Variants in SNAP25 observed in about 807,000 individuals in gnomAD.
The protein encoded by SNAP25 is synaptosomal-associated protein 25.
Under a neutral mutation model 28.7 loss-of-function variants are expected in SNAP25, and 3 were observed. The ratio of observed to expected loss-of-function variants is 0.10; its 90% CI spans 0.05 to 0.27. SNAP25 has a LOEUF of 0.27. Among genes scored for constraint, SNAP25 ranks in the 10% least tolerant of loss-of-function variants. The pLI is 1.00. For missense variants in SNAP25, 117 were observed against 278.7 expected (o/e 0.42, Z 4.13); for synonymous variants, 61 against 88.1 (o/e 0.69, Z 1.72).
chr20:10,281,613 G>T (rs1568614258), intron 3 of SNAP25, among the ~76,000 whole-genome samples: 1 of 152,154 alleles, frequency 6.6e-6, no homozygotes, highest in Non-Finnish European at 1.5e-5. Flanking sequence ...GGTATAAACG[G>T]CAGAGATGAA....
intron 3 of SNAP25, among the ~76,000 whole-genome samples, chr20:10,278,768 C>T (rs913639820): frequency 5.9e-5 from 9 of 151,906 alleles, no homozygotes; most frequent in Admixed American, 3.9e-4. Context: ...GAAAGGCAGC[C>T]GCCTCTCACA....
chr20:10,223,567 T>C (rs74564233), intron 1 of SNAP25, among the ~76,000 whole-genome samples: 2 of 152,158 alleles, frequency 1.3e-5, no homozygotes, highest in South Asian at 4.2e-4. Context: ...AGGTTGGTGG[T>C]TATTAAACTG....
chr20:10,304,481 T>G (rs1157741230), intron 7 of SNAP25, among the ~76,000 whole-genome samples: 2 of 152,242 alleles, frequency 1.3e-5, no homozygotes, highest in Non-Finnish European at 2.9e-5. Flanking sequence ...TATTATTTAC[T>G]GTATTCGTAT....
intron 1 of SNAP25, among the ~76,000 whole-genome samples, chr20:10,244,204 CGTG>C (rs774946744): frequency 9.9e-5 from 15 of 152,100 alleles, no homozygotes; most frequent in Non-Finnish European, 2.1e-4. Flanking sequence ...TGTTAATAGT[CGTG>C]GTAATAATTG....
intron 7 of SNAP25, among the ~76,000 whole-genome samples, chr20:10,300,273 T>A (rs1034611014): frequency 3.3e-5 from 5 of 152,182 alleles, no homozygotes; most frequent in East Asian, 1.9e-4. Context: ...CACCAAAACC[T>A]GATATTCTAC....
At chr20:10,287,550 C>T (rs929624176) in intron 4 of SNAP25, among the ~76,000 whole-genome samples, 18 of 135,224 alleles carry the variant, frequency 1.3e-4, no homozygotes, top group Non-Finnish European at 2.7e-4. Context: ...AACACTTTTA[C>T]ACTGTTGGTA....
chr20:10,229,614 G>A (rs77692880), intron 1 of SNAP25, among the ~76,000 whole-genome samples: 8,546 of 152,190 alleles, frequency 0.056, 262 homozygotes, highest in African/African-American at 0.08. Flanking sequence ...AGGAGAGCTT[G>A]CTGGGGAAAG....
chr20:10,222,070 A>G (rs1381933045), intron 1 of SNAP25, among the ~76,000 whole-genome samples: 1 of 152,274 alleles, frequency 6.6e-6, no homozygotes, highest in Non-Finnish European at 1.5e-5. Context: ...ATCCCTTGTC[A>G]GCAAGTACCA....
chr20:10,286,075 G>A (rs1413608318), intron 4 of SNAP25, among the ~76,000 whole-genome samples: 8 of 152,060 alleles, frequency 5.3e-5, no homozygotes, highest in Non-Finnish European at 1.0e-4. Flanking sequence ...TACATTTACA[G>A]TTATATGAAG....
Position 10,225,888 on chromosome 20 carries a change from A to T in SNAP25, c.-64+6911A>T, listed in dbSNP as rs559225320. On this transcript the variant is annotated intron_variant, in intron 1 of 7. Transcript: ENST00000254976. ...CTGTCCTTTACTGATAACAGCAAGT[A>T]AAAAAATGAAAGTCTCTTAGGTGCC... Among the ~76,000 whole-genome samples, 58 of 152,178 alleles carry T rather than the reference A, an allele frequency of 3.8e-4. No individual in the cohort carries two copies. In the South Asian group the frequency reaches 6.4e-3, roughly 17 times the overall value.
rs531184701 is a variant in SNAP25, at chr20:10,228,712, G to A, written c.-64+9735G>A. Among the ~76,000 whole-genome samples, 23 of 152,262 alleles carry A rather than the reference G, an allele frequency of 1.5e-4. No individual in the cohort carries two copies. In the South Asian group the frequency reaches 4.8e-3, roughly 32 times the overall value. On this transcript the variant is annotated intron_variant, in intron 1 of 7. Transcript: ENST00000254976. ...AGTGGTTGTCGTGAGACCTAAAGGA[G>A]CTAATGCTTGTGAAGTAGTTACCTC...
At chr20:10,257,443 C>T (rs888427729) in intron 1 of SNAP25, among the ~76,000 whole-genome samples, 2 of 151,972 alleles carry the variant, frequency 1.3e-5, no homozygotes, top group African/African-American at 4.8e-5. Flanking sequence ...GGGCCAGACG[C>T]GGTGGCTCAC....
At chr20:10,266,770 G>A (rs2122937019) in intron 1 of SNAP25, among the ~76,000 whole-genome samples, 1 of 152,300 alleles carries the variant, frequency 6.6e-6, no homozygotes, top group African/African-American at 2.4e-5. Flanking sequence ...AATGTAAAGA[G>A]TGAAAATGGG....
intron 1 of SNAP25, among the ~76,000 whole-genome samples, chr20:10,271,734 G>A (rs6039801): frequency 0.012 from 1,732 of 149,206 alleles, 40 homozygotes; most frequent in African/African-American, 0.037. Context: ...GAGGGAGAGC[G>A]AGAGAGAGAG....
intron 1 of SNAP25, among the ~76,000 whole-genome samples, chr20:10,250,418 A>C (rs2063205150): frequency 6.6e-6 from 1 of 152,166 alleles, no homozygotes; most frequent in African/African-American, 2.4e-5. Context: ...GTGGGGGACT[A>C]AATTTTCTGA....
intron 1 of SNAP25, among the ~76,000 whole-genome samples, chr20:10,272,210 C>A (rs899576163): frequency 2.0e-5 from 3 of 152,170 alleles, no homozygotes; most frequent in Admixed American, 6.5e-5. Flanking sequence ...AGCTCCACAT[C>A]CTTTTTTACA....
At chr20:10,257,451 C>T (rs146320332) in intron 1 of SNAP25, among the ~76,000 whole-genome samples, 2,157 of 152,178 alleles carry the variant, frequency 0.014, 19 homozygotes, top group Middle Eastern at 0.034. Flanking sequence ...CGCGGTGGCT[C>T]ACGCCTGTCC....
At chr20:10,220,518 C>T (rs1385307874) in intron 1 of SNAP25, among the ~76,000 whole-genome samples, 1 of 152,212 alleles carries the variant, frequency 6.6e-6, no homozygotes, top group Non-Finnish European at 1.5e-5. Flanking sequence ...TAAAGGTCTA[C>T]TGCAATTTCT....
chr20:10,283,285 T>C (rs895258721), intron 3 of SNAP25, among the ~76,000 whole-genome samples: 1 of 152,244 alleles, frequency 6.6e-6, no homozygotes, highest in African/African-American at 2.4e-5. Context: ...TTAACTGTTG[T>C]CATTGCTGTC....
Sources: allele counts gnomAD v4.1 joint callset (sites outside exome capture counted in the v4.1 genomes callset), GRCh38; gene constraint gnomAD v4.1.1; transcripts MANE v1.5; gene names NCBI Gene and HGNC (gene_info 2026-07-23, HGNC 2026-07-21).